GABPB1: variants seen among roughly 807,000 people sequenced by gnomAD.
GABPB1 encodes the protein GA-binding protein subunit beta-1.
In GABPB1, 15 loss-of-function variants were observed where a neutral mutation model predicts 45.9. The observed-to-expected ratio is 0.33, with a 90% CI of 0.22 to 0.50. GABPB1 has a LOEUF of 0.50. Ranked by LOEUF, GABPB1 falls within the 20% of genes least tolerant of loss-of-function variation. The probability of loss-of-function intolerance (pLI) is 0.98; values close to 1 mark genes in which losing one functional copy is unlikely to be tolerated. For synonymous variants in GABPB1, 143 were observed against 154.4 expected (o/e 0.93, Z 0.55); for missense variants, 252 against 457.5 (o/e 0.55, Z 4.10).
At chr15:50,339,248 G>A (rs2048257465) in intron 1 of GABPB1, among the ~76,000 whole-genome samples, 1 of 152,188 alleles carries the variant, frequency 6.6e-6, no homozygotes, top group African/African-American at 2.4e-5. Flanking sequence ...AGCCTGGTAG[G>A]CAGAGGTTGC....
intron 6 of GABPB1, among the ~76,000 whole-genome samples, chr15:50,291,484 ATT>A (rs537438110): frequency 6.4e-5 from 9 of 140,046 alleles, no homozygotes; most frequent in Admixed American, 7.1e-5. Context: ...ACGCCTGGTA[ATT>A]TTTTTTTTTT....
intron 1 of GABPB1, among the ~76,000 whole-genome samples, chr15:50,312,320 T>A (rs2047158724): frequency 6.6e-6 from 1 of 152,194 alleles, no homozygotes; most frequent in Non-Finnish European, 1.5e-5. Flanking sequence ...TAAATACACT[T>A]CTCTGTGACA....
At chr15:50,334,030 C>A (rs76767457) in intron 1 of GABPB1, among the ~76,000 whole-genome samples, 48 of 125,564 alleles carry the variant, frequency 3.8e-4, no homozygotes, top group Admixed American at 4.9e-4. Context: ...AACTCGATCT[C>A]AAAAAAAAAA....
In GABPB1 at chr15:50,278,689, G is replaced by A. The variant is rs772810217; in HGVS notation, c.1095C>T (p.Ala365=). The part of the protein sequence containing the change: ...QLLKKEQEAE[A]YRQKLEAMTR... The stretch of plus-strand genomic sequence containing the variant: ...TCATAGCTTCCAACTTCTGTCTGTA[G>A]GCCTCTGCTTCCTGTTCTTTCTTTA... Residue 365 remains alanine, a synonymous_variant, in exon 9 of 9, where the codon GCC becomes GCT. Transcript: ENST00000380877. 1.2e-6 allele frequency: 2 copies of A among 1,613,406 alleles called. No individual in the cohort carries two copies. Among genetic ancestry groups the A allele is most frequent in the African/African-American group, 2.7e-5 (2 of 74,842 alleles).
chr15:50,323,175 G>A (rs547545338), intron 1 of GABPB1, among the ~76,000 whole-genome samples: 2 of 152,142 alleles, frequency 1.3e-5, no homozygotes, highest in African/African-American at 4.8e-5. Context: ...GTTTGAGACT[G>A]TACTGCACAG....
At chr15:50,327,597 C>T (rs2047813384) in intron 1 of GABPB1, among the ~76,000 whole-genome samples, 1 of 152,142 alleles carries the variant, frequency 6.6e-6, no homozygotes, top group African/African-American at 2.4e-5. Context: ...AATTTATCAA[C>T]TTCTAGTAGA....
chr15:50,301,094 G>T, intron 5 of GABPB1, 163 bp downstream of exon 5: 1 of 1,094,292 alleles, frequency 9.1e-7, no homozygotes, highest in African/African-American at 1.6e-5. Context: ...CTTTTTGCCA[G>T]TTATACCAAA....
rs2045884312 is a variant in GABPB1 at position 50,278,559 on chromosome 15, C to T, written c.*73G>A. ...ATCATTCTGTATTCCCATGGCTGTA[C>T]CTTTGTTGTGTACAGTTCAAGATTG... On this transcript the variant is annotated 3_prime_UTR_variant, in exon 9 of 9. Coordinates refer to ENST00000380877, the MANE Select transcript of GABPB1 (RefSeq NM_016654.5). 7.9e-7 allele frequency: 1 copy of T among 1,263,886 alleles called. No individual in the cohort carries two copies. Among genetic ancestry groups the T allele is most frequent in the Non-Finnish European group, 1.1e-6 (1 of 909,254 alleles). 78.3% of individuals were successfully genotyped at this position (1,263,886 alleles called of 1,614,324 possible). A position where few individuals can be genotyped will look rare whatever the true frequency, so the allele number is the denominator to read the frequency against.
chr15:50,303,160 A>T (rs1567501085), intron 3 of GABPB1, 37 bp from the exon 4 acceptor site: 1 of 1,480,526 alleles, frequency 6.8e-7, no homozygotes, highest in Non-Finnish European at 9.2e-7. Context: ...TAAAATATGA[A>T]ATATCACATA....
intron 7 of GABPB1, among the ~76,000 whole-genome samples, chr15:50,286,673 A>G (rs991653806): frequency 1.3e-5 from 2 of 152,140 alleles, no homozygotes; most frequent in South Asian, 4.1e-4. Context: ...ACATCACTAC[A>G]TAGAGAGCTT....
intron 6 of GABPB1, among the ~76,000 whole-genome samples, chr15:50,299,005 A>G (rs926285126): frequency 1.3e-5 from 2 of 152,060 alleles, no homozygotes; most frequent in Middle Eastern, 3.4e-3. Flanking sequence ...AGAAAAAGGT[A>G]GCATTCCCCC....
chr15:50,285,537 C>T (rs28520107), intron 8 of GABPB1, among the ~76,000 whole-genome samples: 219 of 152,218 alleles, frequency 1.4e-3, no homozygotes, highest in African/African-American at 5.0e-3. Context: ...TTTACGCTTA[C>T]AAATTACTTT....
At chr15:50,291,962 A>C (rs2046358767) in intron 6 of GABPB1, among the ~76,000 whole-genome samples, 1 of 151,632 alleles carries the variant, frequency 6.6e-6, no homozygotes, top group Non-Finnish European at 1.5e-5. Flanking sequence ...ACCTCATAAA[A>C]AGGAGAGAAA....
chr15:50,330,587 CACTT>C (rs2047915527), intron 1 of GABPB1, among the ~76,000 whole-genome samples: 1 of 152,112 alleles, frequency 6.6e-6, no homozygotes, highest in South Asian at 2.1e-4. Flanking sequence ...ATCCCATACA[CACTT>C]ACCTTATTCC....
At chr15:50,323,171 G>C (rs868606109) in intron 1 of GABPB1, among the ~76,000 whole-genome samples, 2 of 152,104 alleles carry the variant, frequency 1.3e-5, no homozygotes, top group Admixed American at 1.3e-4. Context: ...AGGAGTTTGA[G>C]ACTGTACTGC....
intron 1 of GABPB1, among the ~76,000 whole-genome samples, chr15:50,332,175 C>A (rs915402937): frequency 3.3e-5 from 5 of 151,792 alleles, no homozygotes; most frequent in Non-Finnish European, 7.4e-5. Context: ...GTGCCCAGCC[C>A]CCTGTCCAGT....
At chr15:50,340,105 G>C (rs2048296454) in intron 1 of GABPB1, among the ~76,000 whole-genome samples, 1 of 152,150 alleles carries the variant, frequency 6.6e-6, no homozygotes, top group Non-Finnish European at 1.5e-5. Flanking sequence ...TTCATGGATG[G>C]AATTATTGCC....
Position 50,300,897 on chromosome 15 carries a change from T to A in GABPB1, c.589A>T (p.Thr197Ser), listed in dbSNP as rs781312689. 7 of 1,580,048 alleles carry A rather than the reference T, an allele frequency of 4.4e-6. No homozygotes were observed. In the South Asian group the frequency reaches 6.6e-5, roughly 15 times the overall value. Residue 197 changes from threonine (T) to serine (S), a missense_variant, in exon 6 of 9, where the codon ACG (threonine) becomes TCG (serine). Transcript: ENST00000380877. ...PGGVVNLTDE[T>S]GVSAVQFGNS... is the part of the protein sequence containing the mutation. ...CCAAACTGAACAGCAGATACACCCG[T>A]TTCATCTGTAAGAAAAAAGAAAATA...
intron 6 of GABPB1, among the ~76,000 whole-genome samples, chr15:50,297,170 C>T (rs1269687090): frequency 6.6e-6 from 1 of 151,470 alleles, no homozygotes; most frequent in Non-Finnish European, 1.5e-5. Flanking sequence ...CTCGGCCTCC[C>T]AAAGTGCTGG....
Sources: gnomAD v4.1 joint callset for allele counts (sites outside exome capture counted in the v4.1 genomes callset) on GRCh38, gnomAD v4.1.1 for gene constraint, MANE v1.5 for transcripts, NCBI Gene and HGNC (gene_info 2026-07-23, HGNC 2026-07-21) for gene names.